ZEB1: variants seen among roughly 807,000 people sequenced by gnomAD.
ZEB1 encodes the protein zinc finger E-box-binding homeobox 1.
In ZEB1, 21 loss-of-function variants were observed where a neutral mutation model predicts 84.9. The ratio of observed to expected loss-of-function variants is 0.25; its 90% CI spans 0.18 to 0.36. The LOEUF is 0.36. Ranked by LOEUF, ZEB1 falls within the 10% of genes least tolerant of loss-of-function variation. The pLI, the probability that ZEB1 is intolerant of heterozygous loss-of-function variation, is 1.00. For synonymous variants in ZEB1, 420 were observed against 471.1 expected, an observed-to-expected ratio of 0.89 and a Z score of 1.41; for missense variants, 1,104 against 1,330.2, an observed-to-expected ratio of 0.83 and a Z score of 2.65.
intron 1 of ZEB1, chr10:31,321,302 A>G (rs930103394): frequency 1.4e-6 from 2 of 1,403,286 alleles, no homozygotes; most frequent in Non-Finnish European, 1.9e-6. Context: ...TCGAGCCATC[A>G]TTAAAATCAC....
At chr10:31,521,983 G>C (rs2072515642) in intron 7 of ZEB1, 47 bp downstream of exon 7, 1 of 1,612,434 alleles carries the variant, frequency 6.2e-7, no homozygotes, top group Non-Finnish European at 8.5e-7. Context: ...TATGCTATTT[G>C]ACTAATTTCA....
chr10:31,408,018 C>T (rs2053477854), intron 1 of ZEB1, among the ~76,000 whole-genome samples: 1 of 150,284 alleles, frequency 6.7e-6, no homozygotes, highest in African/African-American at 2.4e-5. Context: ...CCAAAATCTC[C>T]TTAAGCTGAT....
At chr10:31,456,582 AGT>A (rs1187714236) in intron 1 of ZEB1, among the ~76,000 whole-genome samples, 1 of 152,138 alleles carries the variant, frequency 6.6e-6, no homozygotes, top group Non-Finnish European at 1.5e-5. Flanking sequence ...ATTTTTCATC[AGT>A]GTAACGATTT....
At chr10:31,480,043 C>A (rs1041481553) in intron 2 of ZEB1, among the ~76,000 whole-genome samples, 2 of 151,880 alleles carry the variant, frequency 1.3e-5, no homozygotes, top group South Asian at 4.1e-4. Context: ...TAAAGGCATC[C>A]TTATGCTTTC....
chr10:31,387,253 C>T, intron 1 of ZEB1: 1 of 985,744 alleles, frequency 1.0e-6, no homozygotes, highest in Non-Finnish European at 1.2e-6. Context: ...TGTCAGCCAC[C>T]TTGTTCTCTA....
chr10:31,375,700 C>G (rs7071431), intron 1 of ZEB1, among the ~76,000 whole-genome samples: 37,542 of 151,454 alleles, frequency 0.25, 10,260 homozygotes, highest in African/African-American at 0.68. Flanking sequence ...AGTTTCTACT[C>G]TCAGAAGAAA....
intron 1 of ZEB1, among the ~76,000 whole-genome samples, chr10:31,327,531 C>G (rs1309462621): frequency 6.6e-6 from 1 of 152,178 alleles, no homozygotes. Context: ...AATTACCTAT[C>G]AATTCCCCTA....
chr10:31,477,695 C>A (rs908913191), intron 2 of ZEB1, among the ~76,000 whole-genome samples: 2 of 151,952 alleles, frequency 1.3e-5, no homozygotes, highest in Non-Finnish European at 2.9e-5. Context: ...ACAAAGAACT[C>A]ATAAATAAAG....
intron 1 of ZEB1, among the ~76,000 whole-genome samples, chr10:31,345,367 A>G (rs991700632): frequency 2.0e-5 from 3 of 152,164 alleles, no homozygotes; most frequent in Non-Finnish European, 4.4e-5. Context: ...CATTAATTTT[A>G]CGTTTTAGAA....
intron 1 of ZEB1, among the ~76,000 whole-genome samples, chr10:31,399,151 C>T (rs1564719811): frequency 6.6e-6 from 1 of 152,002 alleles, no homozygotes; most frequent in African/African-American, 2.4e-5. Flanking sequence ...TGTGCCAGCA[C>T]ACCTGGCTAA....
rs1391289467 is a variant in ZEB1, at chr10:31,520,066, A to G, written c.794-60A>G. On this transcript the variant is annotated intron_variant, in intron 6 of 8. Coordinates refer to ENST00000424869, the MANE Select transcript of ZEB1 (RefSeq NM_001174096.2). This position sits in a 1 kb window ranked among gnomAD's most constrained non-coding sequence, Gnocchi z 5.1. ...TACCGCTTGTTTTAGGGAAATGAGGATACATAAAAATTTATATGTAATAAT... is the reference window on the plus strand; with the variant it reads ...TACCGCTTGTTTTAGGGAAATGAGGGTACATAAAAATTTATATGTAATAAT... 1.9e-6 allele frequency: 3 copies of G among 1,574,662 alleles called. No individual in the cohort carries two copies. Among genetic ancestry groups the G allele is most frequent in the South Asian group, 1.1e-5 (1 of 88,168 alleles).
intron 1 of ZEB1, among the ~76,000 whole-genome samples, chr10:31,377,193 A>G (rs762807296): frequency 1.1e-4 from 17 of 150,928 alleles, no homozygotes; most frequent in East Asian, 5.8e-4. Context: ...GACCACAATT[A>G]GTTCTAATGT....
upstream of ZEB1, chr10:31,319,145 AGGGGGGAGGGGTGGAGGCGGAGGGGTGG>A: frequency 3.4e-6 from 1 of 296,386 alleles, no homozygotes; most frequent in Non-Finnish European, 5.4e-6. Flanking sequence ...TGCGGTGGGG[AGGGGGGAGGGGTGGAGGCGGAGGGGTGG>A]GGGGGAAGGG....
intron 1 of ZEB1, among the ~76,000 whole-genome samples, chr10:31,355,783 G>T (rs906628249): frequency 6.6e-6 from 1 of 152,128 alleles, no homozygotes; most frequent in African/African-American, 2.4e-5. Context: ...ATGTAGAGAA[G>T]AATGTAGGAA....
At chr10:31,323,551 G>C (rs934776460) in intron 1 of ZEB1, among the ~76,000 whole-genome samples, 3 of 151,970 alleles carry the variant, frequency 2.0e-5, no homozygotes, top group African/African-American at 7.2e-5. Flanking sequence ...TTAAGAATCA[G>C]TGAGTGCATA....
intron 2 of ZEB1, among the ~76,000 whole-genome samples, chr10:31,493,911 A>G (rs544458650): frequency 2.0e-5 from 3 of 152,098 alleles, no homozygotes; most frequent in African/African-American, 4.8e-5. Context: ...CCAAGGGGGG[A>G]TGAAGAAATG....
chr10:31,446,874 A>G (rs1250198328), intron 1 of ZEB1, among the ~76,000 whole-genome samples: 1 of 152,074 alleles, frequency 6.6e-6, no homozygotes, highest in Admixed American at 6.6e-5. Flanking sequence ...TGGTGCTGAA[A>G]AAAATGTATA....
intron 6 of ZEB1, among the ~76,000 whole-genome samples, chr10:31,515,968 T>C (rs2071026901): frequency 6.6e-6 from 1 of 151,930 alleles, no homozygotes; most frequent in African/African-American, 2.4e-5. Context: ...GGAAGGAAAA[T>C]AAAGCTAACA....
At chr10:31,498,511 A>G (rs1326788330) in intron 3 of ZEB1, among the ~76,000 whole-genome samples, 1 of 152,060 alleles carries the variant, frequency 6.6e-6, no homozygotes, top group Non-Finnish European at 1.5e-5. Flanking sequence ...CATACCAGGT[A>G]CCCTACTAAT....
Sources: allele counts gnomAD v4.1 joint callset (sites outside exome capture counted in the v4.1 genomes callset), GRCh38; gene constraint gnomAD v4.1.1; non-coding constraint Gnocchi (gnomAD v3.1); transcripts MANE v1.5; gene names NCBI Gene and HGNC (gene_info 2026-07-23, HGNC 2026-07-21).